The following PLPP4 variants were observed in gnomAD, a reference collection of about 807,000 sequenced individuals.
The protein encoded by PLPP4 is phospholipid phosphatase 4, also known as diacylglycerol pyrophosphate like 2.
PLPP4 carries 20 observed loss-of-function variants against 32.2 expected under a neutral mutation model. The ratio of observed to expected loss-of-function variants is 0.62; its 90% confidence interval spans 0.44 to 0.90. The LOEUF is 0.90. Ranked by LOEUF, PLPP4 falls within the 40% of genes least tolerant of loss-of-function variation. The pLI is 0.00. For missense variants in PLPP4, 257 were observed against 353.1 expected, an observed-to-expected ratio of 0.73 and a Z score of 2.18; for synonymous variants, 127 against 133.0, an observed-to-expected ratio of 0.95 and a Z score of 0.31.
At chr10:120,572,046 T>G (rs1037296816) in intron 5 of PLPP4, among the ~76,000 whole-genome samples, 2 of 152,224 alleles carry the variant, frequency 1.3e-5, no homozygotes, top group Non-Finnish European at 1.5e-5. Context: ...TGGCTGCTGC[T>G]GGGTGCCCAC....
intron 5 of PLPP4, among the ~76,000 whole-genome samples, chr10:120,554,774 C>T (rs1386792707): frequency 1.3e-5 from 2 of 151,960 alleles, no homozygotes; most frequent in African/African-American, 4.8e-5. Flanking sequence ...AGGTGCTACC[C>T]GCTTTTAAAC....
intron 5 of PLPP4, among the ~76,000 whole-genome samples, chr10:120,565,942 A>G (rs2901247): frequency 0.38 from 57,349 of 151,798 alleles, 10,857 homozygotes; most frequent in Middle Eastern, 0.43. Context: ...CTAATTCTCT[A>G]CTTAGGTTTG....
intron 3 of PLPP4, among the ~76,000 whole-genome samples, chr10:120,518,256 C>T (rs192459823): frequency 4.0e-4 from 61 of 152,214 alleles, no homozygotes; most frequent in African/African-American, 1.4e-3. Context: ...CAAAAAGCAC[C>T]GCCCGGGCAG....
At chr10:120,518,570 T>A (rs1045514530) in intron 3 of PLPP4, among the ~76,000 whole-genome samples, 19 of 152,208 alleles carry the variant, frequency 1.2e-4, no homozygotes, top group African/African-American at 4.3e-4. Flanking sequence ...CCTCTGTGAT[T>A]GTGAAAATTT....
chr10:120,556,481 A>T (rs1038594054), intron 5 of PLPP4, among the ~76,000 whole-genome samples: 3 of 152,228 alleles, frequency 2.0e-5, no homozygotes, highest in Non-Finnish European at 4.4e-5. Flanking sequence ...AGTAGGCCAC[A>T]TGGTGTGGAC....
chr10:120,462,159 G>A (rs1848079829), intron 1 of PLPP4, among the ~76,000 whole-genome samples: 2 of 151,624 alleles, frequency 1.3e-5, no homozygotes, highest in Admixed American at 1.3e-4. Context: ...CAGGGCAAAG[G>A]CCTGGAGGTG....
chr10:120,463,759 A>C (rs979106368), intron 1 of PLPP4, among the ~76,000 whole-genome samples: 2 of 151,056 alleles, frequency 1.3e-5, no homozygotes, highest in Middle Eastern at 3.4e-3. Flanking sequence ...AACCATAGCT[A>C]TTCTCCTCAG....
intron 5 of PLPP4, among the ~76,000 whole-genome samples, chr10:120,567,957 C>T (rs1175186512): frequency 6.6e-6 from 1 of 152,148 alleles, no homozygotes; most frequent in Non-Finnish European, 1.5e-5. Flanking sequence ...AATGGTCTTT[C>T]ATGATAGGGA....
At position 120,503,813 on chromosome 10, in the gene PLPP4, T is replaced by G; in HGVS notation, c.57-5T>G. On this transcript the variant is annotated splice_polypyrimidine_tract_variant and splice_region_variant and intron_variant, in intron 1 of 6. Coordinates refer to ENST00000398250, the MANE Select transcript of PLPP4 (RefSeq NM_001030059.3). ...CCTTCATGTACTTTTCTTTTTATGT[T>G]TCAGTTTTACAGAGTTTTTGGATCC... The G allele has an allele frequency of 6.2e-7, 1 of 1,611,160 alleles. No homozygotes were observed. The highest frequency in any genetic ancestry group is 8.5e-7 in the Non-Finnish European group (1 of 1,177,834).
In PLPP4 at chr10:120,544,650, G is replaced by A. The variant is rs755224022; in HGVS notation, c.445+23555G>A. Among the ~76,000 whole-genome samples the A allele has an allele frequency of 7.2e-5, 11 of 152,196 alleles. No homozygotes were observed. The South Asian group carries it at 1.4e-3, about 20-fold the overall frequency. ...CCTCCCTTCTAGACTACAAGCCCCC[G>A]GAAAGCAGGCCTGCCTGCTCATCTC... On this transcript the variant is annotated intron_variant, in intron 5 of 6. Transcript: ENST00000398250.
At chr10:120,513,181 T>C (rs1202733835) in intron 2 of PLPP4, among the ~76,000 whole-genome samples, 1 of 152,146 alleles carries the variant, frequency 6.6e-6, no homozygotes, top group Non-Finnish European at 1.5e-5. Flanking sequence ...GCCTCGCCCC[T>C]CTCCAGTTGT....
intron 1 of PLPP4, among the ~76,000 whole-genome samples, chr10:120,482,633 A>G (rs1844259343): frequency 6.6e-6 from 1 of 152,124 alleles, no homozygotes; most frequent in Non-Finnish European, 1.5e-5. Flanking sequence ...CGCCAGGCGC[A>G]GTGGCTCACA....
chr10:120,527,833 G>A (rs750856413), intron 5 of PLPP4, among the ~76,000 whole-genome samples: 4 of 152,106 alleles, frequency 2.6e-5, no homozygotes, highest in Non-Finnish European at 4.4e-5. Flanking sequence ...TATGAATTGA[G>A]AAATTATCAC....
At chr10:120,516,602 C>T (rs894869502) in intron 3 of PLPP4, among the ~76,000 whole-genome samples, 8 of 152,202 alleles carry the variant, frequency 5.3e-5, no homozygotes, top group African/African-American at 1.7e-4. Flanking sequence ...AGCCGACTCA[C>T]GGGACATGTT....
At chr10:120,526,067 G>A (rs1330278573) in intron 5 of PLPP4, among the ~76,000 whole-genome samples, 1 of 151,922 alleles carries the variant, frequency 6.6e-6, no homozygotes, top group East Asian at 1.9e-4. Flanking sequence ...CTTTCCTACT[G>A]TCTAGCTCTT....
intron 6 of PLPP4, among the ~76,000 whole-genome samples, chr10:120,581,582 G>C (rs866619704): frequency 6.6e-6 from 1 of 152,106 alleles, no homozygotes; most frequent in Non-Finnish European, 1.5e-5. Flanking sequence ...TGTCCTCCTC[G>C]TTCACATGAT....
intron 1 of PLPP4, among the ~76,000 whole-genome samples, chr10:120,489,432 G>A (rs927094559): frequency 1.3e-5 from 2 of 152,168 alleles, no homozygotes; most frequent in East Asian, 1.9e-4. Context: ...TTAAATACCC[G>A]CTACTCCCCA....
intron 5 of PLPP4, among the ~76,000 whole-genome samples, chr10:120,539,110 C>A (rs1454950837): frequency 6.6e-6 from 1 of 152,188 alleles, no homozygotes; most frequent in Non-Finnish European, 1.5e-5. Flanking sequence ...CGTCCCTGCA[C>A]ACCTGTCTGA....
chr10:120,499,027 T>G (rs1395336243), intron 1 of PLPP4, among the ~76,000 whole-genome samples: 1 of 152,228 alleles, frequency 6.6e-6, no homozygotes, highest in Non-Finnish European at 1.5e-5. Context: ...CATCCTTGGA[T>G]CTGTCTGAGC....
Sources: gnomAD v4.1 joint callset for allele counts (sites outside exome capture counted in the v4.1 genomes callset) on GRCh38, gnomAD v4.1.1 for gene constraint, MANE v1.5 for transcripts, NCBI Gene and HGNC (gene_info 2026-07-23, HGNC 2026-07-21) for gene names.